Variants in TRIM48 observed in about 807,000 individuals in gnomAD.
TRIM48 encodes E3 ubiquitin-protein ligase TRIM48.
Under a neutral mutation model 29.5 loss-of-function variants are expected in TRIM48, and 31 were observed. That is an observed-to-expected ratio of 1.05 (90% CI 0.79 to 1.42). The LOEUF is 1.42. Among genes scored for constraint, TRIM48 ranks in the 40% most tolerant of loss-of-function variants. TRIM48 has a pLI of 0.00. For missense variants in TRIM48, 344 were observed against 265.0 expected (o/e 1.30, Z -2.07); for synonymous variants, 128 against 90.6 (o/e 1.41, Z -2.34).
chr11:55,265,687 C>T lies in TRIM48; in HGVS notation c.547C>T (p.His183Tyr). 1 of 1,579,874 alleles carries T rather than the reference C, an allele frequency of 6.3e-7. No homozygotes were observed. The highest frequency in any genetic ancestry group is 8.6e-7 in the Non-Finnish European group (1 of 1,164,462). Reference protein sequence around the residue: ...NLNVETTRISHWKAFGDILYR... With the variant: ...NLNVETTRISYWKAFGDILYR... ...GAATGTGGAAACCACCAGAATCAGC[C>T]ACTGGAAGGTTAGTCCTGTAATACC... Residue 183 changes from histidine to tyrosine, a missense_variant, in exon 3 of 6, where the codon CAC becomes TAC. Physicochemically the swap from His to Tyr is moderately conservative, Grantham distance 83. Coordinates refer to ENST00000417545, the MANE Select transcript of TRIM48 (RefSeq NM_024114.5).
At chr11:55,264,312 G>T (rs1179353106) in intron 1 of TRIM48, among the ~76,000 whole-genome samples, 1 of 147,440 alleles carries the variant, frequency 6.8e-6, no homozygotes, top group African/African-American at 2.5e-5. Flanking sequence ...TGGTTGATTG[G>T]TTTTTCTATT....
At position 55,269,297 on chromosome 11, in the gene TRIM48, G is replaced by A. The variant is rs1299358103; in HGVS notation, c.634G>A (p.Gly212Arg). ...PQPLNLALRA[G>R]PITGLRDRLN... ...GCCTCTGAATCTAGCGCTCAGGGCA[G>A]GGCCCATCACTGGACTGAGGGACAG... Residue 212 changes from glycine to arginine, a missense_variant, in exon 5 of 6, where the codon GGG (glycine) becomes AGG (arginine). Transcript: ENST00000417545. 3.2e-6 allele frequency: 5 copies of A among 1,576,066 alleles called. 1 individual carries two copies. Among genetic ancestry groups the A allele is most frequent in the Non-Finnish European group, 4.3e-6 (5 of 1,166,066 alleles).
chr11:55,268,449 G>A, intron 4 of TRIM48, 77 bp downstream of exon 4: 3 of 1,371,216 alleles, frequency 2.2e-6, no homozygotes, highest in East Asian at 2.6e-5. Flanking sequence ...CAAAGTCATG[G>A]CATAAACGAT....
intron 2 of TRIM48, 25 bp from the exon 3 acceptor site, chr11:55,265,575 G>T (rs746693036): frequency 3.2e-6 from 5 of 1,575,268 alleles, no homozygotes; most frequent in African/African-American, 2.7e-5. Flanking sequence ...CTTCACTGGT[G>T]CTTCAATTTA....
chr11:55,264,401 G>C (rs1431396982), intron 1 of TRIM48, among the ~76,000 whole-genome samples: 6 of 147,858 alleles, frequency 4.1e-5, no homozygotes, highest in African/African-American at 1.5e-4. Flanking sequence ...GGACATGCAG[G>C]CTTGTTACAC....
At chr11:55,264,271 T>A (rs1275166406) in intron 1 of TRIM48, among the ~76,000 whole-genome samples, 1 of 148,228 alleles carries the variant, frequency 6.7e-6, no homozygotes, top group Non-Finnish European at 1.5e-5. Context: ...CTAAATTGGT[T>A]TAATTGCTGT....
chr11:55,265,512 T>C, intron 2 of TRIM48, 88 bp from the exon 3 acceptor site: 2 of 1,502,582 alleles, frequency 1.3e-6, no homozygotes, highest in Non-Finnish European at 1.8e-6. Flanking sequence ...GACTTATTTG[T>C]CTCTCATTCT....
At chr11:55,264,867 C>T in intron 1 of TRIM48, 33 bp from the exon 2 acceptor site, 1 of 1,582,418 alleles carries the variant, frequency 6.3e-7, no homozygotes, top group Non-Finnish European at 8.6e-7. Context: ...TCAACCCAGA[C>T]CCCAAAATGA....
chr11:55,266,272 A>G (rs1317236588), intron 3 of TRIM48, among the ~76,000 whole-genome samples: 1 of 147,812 alleles, frequency 6.8e-6, no homozygotes, highest in African/African-American at 2.5e-5. Flanking sequence ...AAACATGCCC[A>G]AAATATGGGA....
intron 4 of TRIM48, 135 bp downstream of exon 4, chr11:55,268,507 C>T (rs1285173165): frequency 1.2e-6 from 1 of 842,766 alleles, no homozygotes; most frequent in Admixed American, 2.6e-5. Context: ...ATTCCCACAC[C>T]AGAAAAGACA....
chr11:55,270,350 G>C (rs1004264797), intron 5 of TRIM48, 87 bp from the exon 6 acceptor site: 1 of 1,138,616 alleles, frequency 8.8e-7, no homozygotes, highest in Non-Finnish European at 1.2e-6. Flanking sequence ...TTAACTTTTT[G>C]ATAGAACGAT....
intron 5 of TRIM48, 89 bp downstream of exon 5, chr11:55,269,428 AT>A: frequency 6.8e-7 from 1 of 1,463,664 alleles, no homozygotes; most frequent in Non-Finnish European, 9.2e-7. Context: ...TTTATCAAAT[AT>A]TTTACTACTT....
At chr11:55,266,988 A>G (rs1857403964) in intron 3 of TRIM48, among the ~76,000 whole-genome samples, 1 of 147,862 alleles carries the variant, frequency 6.8e-6, no homozygotes, top group Admixed American at 6.9e-5. Flanking sequence ...ATTTAGCTGG[A>G]CATGTTAGTC....
In TRIM48 at chr11:55,270,420, A is replaced by T; in HGVS notation, c.*2-17A>T. ...TTTCTTTCTTTCTTTCTATTTATTT[A>T]TTTATTTATTTTGCAGTGGATATTA... On this transcript the variant is annotated splice_polypyrimidine_tract_variant and intron_variant, in intron 5 of 5. Transcript: ENST00000417545. 7.1e-7 allele frequency: 1 copy of T among 1,413,758 alleles called. No individual in the cohort carries two copies. The highest frequency in any genetic ancestry group is 9.5e-7 in the Non-Finnish European group (1 of 1,049,214). 87.6% of individuals were successfully genotyped at this position (1,413,758 alleles called of 1,614,324 possible). A position where few individuals can be genotyped will look rare whatever the true frequency, so the allele number is the denominator to read the frequency against.
intron 3 of TRIM48, chr11:55,267,356 T>C (rs1314159127): frequency 4.6e-6 from 7 of 1,510,386 alleles, no homozygotes; most frequent in Non-Finnish European, 6.3e-6. Context: ...TGAGATTTAA[T>C]AGGAGATGGA....
At chr11:55,269,729 G>T (rs1008197441) in intron 5 of TRIM48, among the ~76,000 whole-genome samples, 2 of 147,422 alleles carry the variant, frequency 1.4e-5, no homozygotes, top group Non-Finnish European at 1.5e-5. Flanking sequence ...AATATAGTTC[G>T]CTGGAGATTC....
In TRIM48 at chr11:55,271,052, G is replaced by C; in HGVS notation, c.*617G>C. On this transcript the variant is annotated 3_prime_UTR_variant, in exon 6 of 6. Coordinates refer to ENST00000417545, the MANE Select transcript of TRIM48 (RefSeq NM_024114.5). ...TAGGTTCGGTTTTATGTCTTGAATT[G>C]CATTCTAATGTTATTAAAACTCATT... The C allele has an allele frequency of 7.8e-7, 1 of 1,279,680 alleles. No individual in the cohort carries two copies. 79.3% of individuals were successfully genotyped at this position (1,279,680 alleles called of 1,614,324 possible). A position where few individuals can be genotyped will look rare whatever the true frequency, so the allele number is the denominator to read the frequency against.
rs1857389524 is a variant in TRIM48 at position 55,266,173 on chromosome 11, GA to G, written c.555+480del. The stretch of plus-strand genomic sequence containing the variant: ...AAATCTAGGGCAACCATGAAATTAA[GA>G]ATCCAAACTAATTAATATTGAATAA... On this transcript the variant is annotated intron_variant, in intron 3 of 5. Coordinates refer to ENST00000417545, the MANE Select transcript of TRIM48 (RefSeq NM_024114.5). Among the ~76,000 whole-genome samples, 3 of 147,546 alleles carry G rather than the reference GA, an allele frequency of 2.0e-5. 1 individual carries two copies. The South Asian group carries it at 7.3e-4, about 36-fold the overall frequency.
Position 55,267,105 on chromosome 11 carries a change from G to T in TRIM48, c.556-1245G>T, listed in dbSNP as rs1393817853. Among the ~76,000 whole-genome samples the T allele has an allele frequency of 2.7e-5, 4 of 147,742 alleles. 1 individual carries two copies. Among genetic ancestry groups the T allele is most frequent in the African/African-American group, 9.9e-5 (4 of 40,412 alleles). On this transcript the variant is annotated intron_variant, in intron 3 of 5. Coordinates refer to ENST00000417545, the MANE Select transcript of TRIM48 (RefSeq NM_024114.5). The stretch of plus-strand genomic sequence containing the variant: ...TATAGCTCTATACTCCAACTCTTAA[G>T]CATGAACTATTCTTACTTTTCCATA...
Sources: gnomAD v4.1 joint callset for allele counts (sites outside exome capture counted in the v4.1 genomes callset) on GRCh38, gnomAD v4.1.1 for gene constraint, MANE v1.5 for transcripts, NCBI Gene and HGNC (gene_info 2026-07-23, HGNC 2026-07-21) for gene names.